Variants in EBF1 observed in about 807,000 individuals in gnomAD.
EBF1 encodes the protein transcription factor COE1.
Under a neutral mutation model 68.4 loss-of-function variants are expected in EBF1, and 10 were observed. The observed-to-expected ratio is 0.15, with a 90% CI of 0.09 to 0.25. EBF1 has a LOEUF of 0.25. Ranked by LOEUF, EBF1 falls within the 10% of genes least tolerant of loss-of-function variation. The pLI is 1.00. For missense variants in EBF1, 509 were observed against 794.4 expected (o/e 0.64, Z 4.32); for synonymous variants, 298 against 299.8 (o/e 0.99, Z 0.06).
chr5:158,923,637 A>G (rs2127412586), intron 6 of EBF1, among the ~76,000 whole-genome samples: 1 of 152,298 alleles, frequency 6.6e-6, no homozygotes, highest in Non-Finnish European at 1.5e-5. Context: ...AAAGGGATAT[A>G]CTATTAGTTT....
intron 3 of EBF1, 159 bp downstream of exon 3, chr5:159,096,184 G>A (rs1782574157): frequency 1.3e-6 from 1 of 760,722 alleles, no homozygotes. Flanking sequence ...GCCTCCTCAG[G>A]TGAAACCTCC....
At chr5:159,020,505 T>A (rs77551862) in intron 6 of EBF1, among the ~76,000 whole-genome samples, 3 of 152,106 alleles carry the variant, frequency 2.0e-5, no homozygotes, top group African/African-American at 7.2e-5. Flanking sequence ...CGGACTCCTC[T>A]GCTCTCTTTA....
chr5:159,047,771 T>C (rs1366810824), intron 6 of EBF1, among the ~76,000 whole-genome samples: 1 of 152,186 alleles, frequency 6.6e-6, no homozygotes, highest in South Asian at 2.1e-4. Context: ...ACCCCATTAC[T>C]GCTATTTCCC....
At chr5:158,901,668 G>C (rs1803372149) in intron 6 of EBF1, among the ~76,000 whole-genome samples, 1 of 152,186 alleles carries the variant, frequency 6.6e-6, no homozygotes, top group South Asian at 2.1e-4. Flanking sequence ...GTATATGCTA[G>C]GCATATGTTA....
chr5:158,770,878 A>G (rs572680919), intron 10 of EBF1, among the ~76,000 whole-genome samples: 2 of 152,298 alleles, frequency 1.3e-5, no homozygotes, highest in Non-Finnish European at 1.5e-5. Flanking sequence ...GGTTTGAAAT[A>G]GTAAACTTAT....
At chr5:158,822,098 A>G (rs528450263) in intron 8 of EBF1, among the ~76,000 whole-genome samples, 22 of 152,294 alleles carry the variant, frequency 1.4e-4, no homozygotes, top group African/African-American at 5.3e-4. Flanking sequence ...GCAGGCAATC[A>G]GGTGATCATT....
intron 6 of EBF1, among the ~76,000 whole-genome samples, chr5:158,871,488 G>A (rs1047446889): frequency 2.6e-5 from 4 of 152,138 alleles, no homozygotes; most frequent in African/African-American, 4.8e-5. Flanking sequence ...AAAATAGGGA[G>A]GAAATAGCCA....
rs1782721995 is a variant in EBF1, at chr5:159,096,900, G to C, written c.291+74C>G. ...GGATGCTTTGCACTCAAGGAAGGGCGCGCTGCCCAAGGCTCCCGGGCCTGC... is the reference window on the plus strand; with the variant it reads ...GGATGCTTTGCACTCAAGGAAGGGCCCGCTGCCCAAGGCTCCCGGGCCTGC... On this transcript the variant is annotated intron_variant, in intron 2 of 15. Transcript: ENST00000313708. The C allele has an allele frequency of 1.9e-6, 3 of 1,546,610 alleles. No individual in the cohort carries two copies. The East Asian group carries it at 7.0e-5, about 36-fold the overall frequency.
At chr5:159,060,284 G>A (rs1326479037) in intron 6 of EBF1, among the ~76,000 whole-genome samples, 1 of 152,072 alleles carries the variant, frequency 6.6e-6, no homozygotes, top group African/African-American at 2.4e-5. Context: ...TTTCTTCAAA[G>A]TATTTTGTTG....
intron 9 of EBF1, among the ~76,000 whole-genome samples, chr5:158,788,678 T>C (rs552227836): frequency 2.4e-4 from 36 of 152,298 alleles, no homozygotes; most frequent in African/African-American, 7.7e-4. Flanking sequence ...ATTTTCTTCA[T>C]AAAAGTCACA....
rs188113289 is a variant in EBF1 at position 158,883,433 on chromosome 5, T to C, written c.555-43323A>G. On this transcript the variant is annotated intron_variant, in intron 6 of 15. Coordinates refer to ENST00000313708, the MANE Select transcript of EBF1 (RefSeq NM_024007.5). ...ATATACATACATACGTATATATATA[T>C]ATACACATACACATATCAGTATAAA... is the stretch of plus-strand genomic sequence containing the variant. Among the ~76,000 whole-genome samples, 8 of 151,596 alleles carry C rather than the reference T, an allele frequency of 5.3e-5. 1 individual carries two copies. The East Asian group carries it at 1.5e-3, about 29-fold the overall frequency.
chr5:159,003,211 G>C lies in EBF1; in HGVS notation c.554+70185C>G, dbSNP rs116659518. On this transcript the variant is annotated intron_variant, in intron 6 of 15. Coordinates refer to ENST00000313708, the MANE Select transcript of EBF1 (RefSeq NM_024007.5). ...TCACAAGATCAACAAACATCACTGG[G>C]TGTGTCTTGCTTTTAGCTTTGGTGT... is the stretch of plus-strand genomic sequence containing the variant. Among the ~76,000 whole-genome samples the C allele has an allele frequency of 4.0e-3, 605 of 152,246 alleles. 4 individuals are homozygous for C. Among genetic ancestry groups the C allele is most frequent in the Middle Eastern group, 6.8e-3 (2 of 294 alleles).
At chr5:158,888,266 G>A (rs964770588) in intron 6 of EBF1, among the ~76,000 whole-genome samples, 8 of 152,016 alleles carry the variant, frequency 5.3e-5, no homozygotes, top group African/African-American at 1.7e-4. Flanking sequence ...GTGTGTGTGT[G>A]TGTGCGTGCG....
At chr5:159,042,870 A>AAT (rs1554118456) in intron 6 of EBF1, among the ~76,000 whole-genome samples, 4 of 151,820 alleles carry the variant, frequency 2.6e-5, no homozygotes, top group African/African-American at 9.7e-5. Context: ...TAAAAAAAAA[A>AAT]AAATAAAAAA....
At chr5:159,018,400 C>T (rs752014923) in intron 6 of EBF1, among the ~76,000 whole-genome samples, 15 of 152,172 alleles carry the variant, frequency 9.9e-5, no homozygotes, top group African/African-American at 3.4e-4. Flanking sequence ...AGTATGCATG[C>T]GTTTGCAACC....
At chr5:158,786,847 C>G (rs1777549524) in intron 9 of EBF1, among the ~76,000 whole-genome samples, 1 of 152,072 alleles carries the variant, frequency 6.6e-6, no homozygotes, top group African/African-American at 2.4e-5. Flanking sequence ...AATATAAAAG[C>G]CAAAAGACTG....
intron 6 of EBF1, among the ~76,000 whole-genome samples, chr5:159,016,805 A>C (rs1043359877): frequency 6.6e-6 from 1 of 152,180 alleles, no homozygotes; most frequent in African/African-American, 2.4e-5. Context: ...GGCCCCCCAA[A>C]AGACAGACCT....
At chr5:158,705,321 G>C (rs58581788) in intron 15 of EBF1, among the ~76,000 whole-genome samples, 21,937 of 152,160 alleles carry the variant, frequency 0.14, 1,674 homozygotes, top group Admixed American at 0.16. Flanking sequence ...AATAGTCAGG[G>C]CATGGGATAG....
chr5:158,700,486 T>A (rs1410519958), intron 15 of EBF1, among the ~76,000 whole-genome samples: 1 of 151,774 alleles, frequency 6.6e-6, no homozygotes, highest in Non-Finnish European at 1.5e-5. Context: ...CCCTCTTAGT[T>A]TACTATTCTG....
Sources: allele counts gnomAD v4.1 joint callset (sites outside exome capture counted in the v4.1 genomes callset), GRCh38; gene constraint gnomAD v4.1.1; transcripts MANE v1.5; gene names NCBI Gene and HGNC (gene_info 2026-07-23, HGNC 2026-07-21).